The following CACNA2D3 variants were observed in gnomAD, a reference collection of about 807,000 sequenced individuals.
CACNA2D3 encodes the protein voltage-dependent calcium channel subunit alpha-2/delta-3.
Under a neutral mutation model 160.6 loss-of-function variants are expected in CACNA2D3, and 60 were observed. The observed-to-expected ratio is 0.37, with a 90% CI of 0.30 to 0.46. The LOEUF is 0.46. Among genes scored for constraint, CACNA2D3 ranks in the 20% least tolerant of loss-of-function variants. The pLI is 1.00. For synonymous variants in CACNA2D3, 558 were observed against 492.9 expected, an observed-to-expected ratio of 1.13 and a Z score of -1.75; for missense variants, 1,205 against 1,365.0, an observed-to-expected ratio of 0.88 and a Z score of 1.85.
chr3:54,929,529 C>G (rs1701131258), intron 27 of CACNA2D3, among the ~76,000 whole-genome samples: 1 of 152,156 alleles, frequency 6.6e-6, no homozygotes, highest in Non-Finnish European at 1.5e-5. Flanking sequence ...ACTCTTTCAT[C>G]CTTTGGCCAA....
chr3:55,004,641 G>A lies in CACNA2D3; in HGVS notation c.2691-122G>A, dbSNP rs982446417. 6 of 657,838 alleles carry A rather than the reference G, an allele frequency of 9.1e-6. No individual in the cohort carries two copies. The East Asian group carries it at 1.6e-4, about 18-fold the overall frequency. The allele number at this position is 657,838 out of a possible 1,614,324, so 40.8% of individuals were successfully genotyped here. ...CTCCTTGTTCATCATCCATGTTAGG[G>A]CTGCATGGTGTTTGTCACCGTTGCA... On this transcript the variant is annotated intron_variant, in intron 31 of 37. Coordinates refer to ENST00000474759, the MANE Select transcript of CACNA2D3 (RefSeq NM_018398.3).
chr3:54,902,662 T>G (rs17054529), intron 27 of CACNA2D3, among the ~76,000 whole-genome samples: 19,572 of 152,262 alleles, frequency 0.13, 1,304 homozygotes, highest in Middle Eastern at 0.18. Flanking sequence ...ATCCATTGCA[T>G]TGTTGTCACT....
chr3:54,351,311 C>G (rs977528968), intron 3 of CACNA2D3, among the ~76,000 whole-genome samples: 3 of 151,998 alleles, frequency 2.0e-5, no homozygotes, highest in African/African-American at 7.2e-5. Context: ...ATTTTTCTGT[C>G]TCTTTTTTCC....
chr3:55,006,739 C>T (rs1036101224), intron 32 of CACNA2D3, among the ~76,000 whole-genome samples: 1 of 152,128 alleles, frequency 6.6e-6, no homozygotes, highest in Admixed American at 6.5e-5. Context: ...TACTTTCTGG[C>T]CGGACTGGGA....
intron 2 of CACNA2D3, among the ~76,000 whole-genome samples, chr3:54,165,656 T>A (rs1196434326): frequency 6.7e-6 from 1 of 149,780 alleles, no homozygotes; most frequent in East Asian, 2.0e-4. Context: ...ACACCTGTAG[T>A]CCCAGCTACT....
intron 3 of CACNA2D3, among the ~76,000 whole-genome samples, chr3:54,350,365 G>GC (rs1698530820): frequency 6.6e-6 from 1 of 151,728 alleles, no homozygotes; most frequent in Non-Finnish European, 1.5e-5. Context: ...TTTAAATTAA[G>GC]CATCTATTGC....
intron 3 of CACNA2D3, among the ~76,000 whole-genome samples, chr3:54,370,320 A>G (rs540908310): frequency 6.6e-6 from 1 of 152,354 alleles, no homozygotes; most frequent in South Asian, 2.1e-4. Flanking sequence ...GATTTTAAAA[A>G]TATGTTTAAC....
intron 12 of CACNA2D3, among the ~76,000 whole-genome samples, chr3:54,761,063 C>T (rs999517643): frequency 7.2e-6 from 1 of 138,714 alleles, no homozygotes; most frequent in Non-Finnish European, 1.7e-5. Flanking sequence ...TGATTGTTTT[C>T]CCCCAACTCC....
chr3:54,458,483 A>G (rs1188959947), intron 4 of CACNA2D3, among the ~76,000 whole-genome samples: 2 of 151,410 alleles, frequency 1.3e-5, no homozygotes, highest in African/African-American at 2.4e-5. Context: ...ACTACTTTGA[A>G]TATATCATCG....
chr3:54,740,627 T>A (rs1459580241), intron 11 of CACNA2D3, among the ~76,000 whole-genome samples: 1 of 152,188 alleles, frequency 6.6e-6, no homozygotes, highest in Non-Finnish European at 1.5e-5. Flanking sequence ...TTTTGGAGAA[T>A]CACAGGTAAA....
chr3:54,324,478 T>G (rs1704078490), intron 3 of CACNA2D3, among the ~76,000 whole-genome samples: 1 of 152,186 alleles, frequency 6.6e-6, no homozygotes, highest in Non-Finnish European at 1.5e-5. Flanking sequence ...TTCAGTAATT[T>G]CCATTAACAT....
At chr3:54,433,907 T>C (rs1419513373) in intron 4 of CACNA2D3, among the ~76,000 whole-genome samples, 2 of 152,200 alleles carry the variant, frequency 1.3e-5, no homozygotes, top group Non-Finnish European at 2.9e-5. Flanking sequence ...TCCAACCCCC[T>C]GAAATGATCT....
At chr3:54,514,705 C>T (rs966080672) in intron 5 of CACNA2D3, among the ~76,000 whole-genome samples, 2 of 149,094 alleles carry the variant, frequency 1.3e-5, no homozygotes, top group South Asian at 2.2e-4. Context: ...GGGGTGGCCA[C>T]GGGCAGAGGA....
chr3:54,140,341 A>C (rs957092373), intron 2 of CACNA2D3, among the ~76,000 whole-genome samples: 24 of 152,230 alleles, frequency 1.6e-4, no homozygotes, highest in Non-Finnish European at 4.4e-5. Context: ...ACTATAACAG[A>C]GATGCAAAAA....
At chr3:54,614,790 G>C (rs1215518673) in intron 9 of CACNA2D3, among the ~76,000 whole-genome samples, 1 of 152,112 alleles carries the variant, frequency 6.6e-6, no homozygotes, top group African/African-American at 2.4e-5. Flanking sequence ...GGCCTTGGTA[G>C]CAAGTCTGAA....
In CACNA2D3 at chr3:54,791,651, TTC is replaced by T. The variant is rs544190656; in HGVS notation, c.1381-25194_1381-25193del. Among the ~76,000 whole-genome samples the T allele has an allele frequency of 1.2e-3, 188 of 152,304 alleles. 1 individual carries two copies. The highest frequency in any genetic ancestry group is 4.4e-3 in the African/African-American group (183 of 41,572). On this transcript the variant is annotated intron_variant, in intron 13 of 37. Transcript: ENST00000474759. ...AAAAGGACATTATTGCCAGTTTGGA[TTC>T]TCTCTCTTTTTTTCCACTTCAAAAC...
chr3:54,707,516 G>A (rs1700879263), intron 11 of CACNA2D3, among the ~76,000 whole-genome samples: 1 of 152,176 alleles, frequency 6.6e-6, no homozygotes. Flanking sequence ...GTGGGAAGGA[G>A]GCCTTGAATG....
intron 14 of CACNA2D3, among the ~76,000 whole-genome samples, chr3:54,834,491 A>G (rs527696727): frequency 6.6e-6 from 1 of 152,340 alleles, no homozygotes; most frequent in African/African-American, 2.4e-5. Flanking sequence ...TTTAAGCAAG[A>G]TGTTAGAACC....
intron 27 of CACNA2D3, among the ~76,000 whole-genome samples, chr3:54,938,777 G>A (rs373895287): frequency 2.0e-5 from 3 of 152,314 alleles, no homozygotes; most frequent in African/African-American, 7.2e-5. Context: ...AAAAGTTGTT[G>A]TGGTCTGTGC....
Sources: gnomAD v4.1 joint callset for allele counts (sites outside exome capture counted in the v4.1 genomes callset) on GRCh38, gnomAD v4.1.1 for gene constraint, MANE v1.5 for transcripts, NCBI Gene and HGNC (gene_info 2026-07-23, HGNC 2026-07-21) for gene names.